MED10: variants seen among roughly 807,000 people sequenced by gnomAD.
The protein encoded by MED10 is mediator complex subunit 10, also known as mediator of RNA polymerase II transcription subunit 10.
A neutral mutation model predicts 17.2 loss-of-function variants in MED10; 9 were observed. The ratio of observed to expected loss-of-function variants is 0.52; its 90% CI spans 0.31 to 0.91. The LOEUF is 0.91. MED10 is among the 40% of genes least tolerant of loss of function. The pLI is 0.04. For synonymous variants in MED10, 66 were observed against 59.8 expected, an observed-to-expected ratio of 1.10 and a Z score of -0.48; for missense variants, 129 against 164.8, an observed-to-expected ratio of 0.78 and a Z score of 1.19.
In MED10 at chr5:6,372,364, A is replaced by AAG. The variant is rs143688827; in HGVS notation, c.*138_*139insCT. Reference sequence around the variant, plus strand: ...CCAGCCCCTCGGTCCCATGAGGCCAAACAATGAGGACAGAGGGGCTGAGGG... The same window carrying AAG: ...CCAGCCCCTCGGTCCCATGAGGCCAAAGACAATGAGGACAGAGGGGCTGAGGG... On this transcript the variant is annotated 3_prime_UTR_variant, in exon 4 of 4. Transcript: ENST00000255764. 524 of 676,536 alleles carry AAG rather than the reference A, an allele frequency of 7.7e-4. No individual in the cohort carries two copies. In the African/African-American group the frequency reaches 8.9e-3, roughly 11 times the overall value. 41.9% of individuals were successfully genotyped at this position (676,536 alleles called of 1,614,324 possible).
chr5:6,373,946 A>G (rs538453553), intron 3 of MED10, among the ~76,000 whole-genome samples: 19 of 152,368 alleles, frequency 1.2e-4, no homozygotes, highest in Non-Finnish European at 2.5e-4. Context: ...AGAAAAATCA[A>G]TATTCAAGAA....
chr5:6,375,117 C>G (rs1560905203), intron 2 of MED10, among the ~76,000 whole-genome samples: 1 of 152,152 alleles, frequency 6.6e-6, no homozygotes, highest in Non-Finnish European at 1.5e-5. Context: ...AAAACTGTTA[C>G]TTAGAATTTC....
intron 2 of MED10, 35 bp from the exon 3 acceptor site, chr5:6,374,461 T>A: frequency 7.2e-7 from 1 of 1,397,430 alleles, no homozygotes; most frequent in Non-Finnish European, 1.0e-6. Context: ...AGCATTCTCA[T>A]GACTGACACC....
At chr5:6,376,522 A>G (rs558044193) in intron 2 of MED10, among the ~76,000 whole-genome samples, 87 of 152,342 alleles carry the variant, frequency 5.7e-4, no homozygotes, top group African/African-American at 2.1e-3. Flanking sequence ...GACCAAATCA[A>G]TGCAAGAAAA....
intron 2 of MED10, among the ~76,000 whole-genome samples, chr5:6,375,477 A>G (rs1737971942): frequency 6.6e-6 from 1 of 152,230 alleles, no homozygotes; most frequent in Non-Finnish European, 1.5e-5. Flanking sequence ...TGTTTTTGAA[A>G]TAATGTAATG....
Position 6,372,362 on chromosome 5 carries a change from C to T in MED10, c.*141G>A. 1 of 671,038 alleles carries T rather than the reference C, an allele frequency of 1.5e-6. No individual in the cohort carries two copies. The highest frequency in any genetic ancestry group is 1.8e-5 in the African/African-American group (1 of 55,320). The allele number at this position is 671,038 out of a possible 1,614,324, so 41.6% of individuals were successfully genotyped here. A position where few individuals can be genotyped will look rare whatever the true frequency, so the allele number is the denominator to read the frequency against. ...CTCCAGCCCCTCGGTCCCATGAGGCCAAACAATGAGGACAGAGGGGCTGAG... is the reference window on the plus strand; with the variant it reads ...CTCCAGCCCCTCGGTCCCATGAGGCTAAACAATGAGGACAGAGGGGCTGAG... On this transcript the variant is annotated 3_prime_UTR_variant, in exon 4 of 4. Coordinates refer to ENST00000255764, the MANE Select transcript of MED10 (RefSeq NM_032286.3).
intron 2 of MED10, among the ~76,000 whole-genome samples, chr5:6,375,367 C>T (rs16877235): frequency 0.015 from 2,251 of 152,238 alleles, 25 homozygotes; most frequent in Middle Eastern, 0.031. Context: ...CACTTCAGAA[C>T]AAGATATCAT....
intron 3 of MED10, 55 bp from the exon 4 acceptor site, chr5:6,372,656 A>C (rs1218929534): frequency 2.1e-6 from 3 of 1,414,348 alleles, no homozygotes; most frequent in African/African-American, 2.8e-5. Context: ...TCCAATAACT[A>C]TTTAAAATAT....
At chr5:6,376,466 T>C (rs1451835758) in intron 2 of MED10, among the ~76,000 whole-genome samples, 1 of 152,228 alleles carries the variant, frequency 6.6e-6, no homozygotes, top group Non-Finnish European at 1.5e-5. Flanking sequence ...GTAAACAACC[T>C]ATTGCAGTTA....
intron 3 of MED10, among the ~76,000 whole-genome samples, chr5:6,373,341 A>T (rs1688317252): frequency 6.6e-6 from 1 of 152,190 alleles, no homozygotes. Flanking sequence ...CAGTGGGAAC[A>T]GAACACTCAT....
At chr5:6,375,581 G>A (rs539189178) in intron 2 of MED10, among the ~76,000 whole-genome samples, 1 of 152,222 alleles carries the variant, frequency 6.6e-6, no homozygotes, top group South Asian at 2.1e-4. Flanking sequence ...GTCAGCTGAC[G>A]GTCGTTTCTT....
In MED10 at chr5:6,376,998, G is replaced by A. The variant is rs1413244943; in HGVS notation, c.206+168C>T. The A allele has an allele frequency of 1.8e-5, 8 of 439,578 alleles. No homozygotes were observed. The Admixed American group carries it at 3.0e-4, about 16-fold the overall frequency. The allele number at this position is 439,578 out of a possible 1,614,324, so 27.2% of individuals were successfully genotyped here. On this transcript the variant is annotated intron_variant, in intron 2 of 3. Transcript: ENST00000255764. ...TTAGAACGGAAGTTCCATAAGGGCA[G>A]GTATTTTTGTATTTTTGTCTATTTT...
intron 3 of MED10, among the ~76,000 whole-genome samples, chr5:6,373,516 T>C (rs115878285): frequency 2.1e-3 from 318 of 152,272 alleles, no homozygotes; most frequent in African/African-American, 7.1e-3. Flanking sequence ...ACTGGAAGGA[T>C]AGAGTCGCTT....
chr5:6,372,472 A>G lies in MED10; in HGVS notation c.*31T>C, dbSNP rs9451. The G allele has an allele frequency of 0.5, 797,566 of 1,589,154 alleles. 201,453 individuals are homozygous for G. Among genetic ancestry groups the G allele is most frequent in the African/African-American group, 0.55 (40,697 of 74,512 alleles). ...CAGCCTCACGCCGCATCGCAGTCCC[A>G]GGGGATCTTCACACAGGGAGGGTGA... On this transcript the variant is annotated 3_prime_UTR_variant, in exon 4 of 4. Transcript: ENST00000255764.
Position 6,378,342 on chromosome 5 carries a change from AGCCTCGGGCC to A in MED10, c.122+10_122+19del. The A allele has an allele frequency of 6.3e-7, 1 of 1,586,438 alleles. No individual in the cohort carries two copies. ...GGCCAGGCCCTGGGGAGACCCCGGCAGCCTCGGGCCGCCACTCACAGCTTTTGGTTGAGCC... is the reference window on the plus strand; with the variant it reads ...GGCCAGGCCCTGGGGAGACCCCGGCAGCCACTCACAGCTTTTGGTTGAGCC... On this transcript the variant is annotated intron_variant, in intron 1 of 3. Transcript: ENST00000255764.
chr5:6,374,916 G>A (rs1024690913), intron 2 of MED10: 2 of 153,790 alleles, frequency 1.3e-5, no homozygotes, highest in African/African-American at 4.8e-5. Context: ...CCTCCTCTGT[G>A]GAGGAGCTTC....
At chr5:6,377,276 T>C in intron 1 of MED10, 27 bp from the exon 2 acceptor site, 2 of 1,571,326 alleles carry the variant, frequency 1.3e-6, no homozygotes, top group Non-Finnish European at 1.7e-6. Context: ...CACACAGGCA[T>C]CTGGTTAATT....
In MED10 at chr5:6,373,587, C is replaced by T. The variant is rs139621651; in HGVS notation, c.309+737G>A. On this transcript the variant is annotated intron_variant, in intron 3 of 3. Coordinates refer to ENST00000255764, the MANE Select transcript of MED10 (RefSeq NM_032286.3). ...AGATGACAGGAGAAAAGAACACGAA[C>T]GAAAGGGTTGGATGTATTCCAGAAC... Among the ~76,000 whole-genome samples the T allele has an allele frequency of 5.1e-3, 778 of 151,952 alleles. 6 individuals are homozygous for T. Among genetic ancestry groups the T allele is most frequent in the African/African-American group, 0.017 (722 of 41,444 alleles).
At chr5:6,372,731 T>A in intron 3 of MED10, 130 bp from the exon 4 acceptor site, 1 of 665,398 alleles carries the variant, frequency 1.5e-6, no homozygotes. Context: ...GACCTGAGAC[T>A]TCCACTGATC....
Sources: allele counts gnomAD v4.1 joint callset (sites outside exome capture counted in the v4.1 genomes callset), GRCh38; gene constraint gnomAD v4.1.1; transcripts MANE v1.5; gene names NCBI Gene and HGNC (gene_info 2026-07-23, HGNC 2026-07-21).